AMZ2: variants seen among roughly 807,000 people sequenced by gnomAD.
AMZ2 encodes archaemetzincin-2.
In AMZ2, 26 loss-of-function variants were observed where a neutral mutation model predicts 36.7. The observed-to-expected ratio is 0.71, with a 90% CI of 0.52 to 0.98. The LOEUF (loss-of-function observed/expected upper bound fraction) is 0.98. Ranked by LOEUF, AMZ2 falls within the 50% of genes least tolerant of loss-of-function variation. AMZ2 has a pLI of 0.00. For missense variants in AMZ2, 394 were observed against 430.5 expected, an observed-to-expected ratio of 0.92 and a Z score of 0.75; for synonymous variants, 144 against 149.1, an observed-to-expected ratio of 0.97 and a Z score of 0.25.
At chr17:68,239,042 A>T (rs2073849697) in intron 1 of AMZ2, among the ~76,000 whole-genome samples, 1 of 152,152 alleles carries the variant, frequency 6.6e-6, no homozygotes, top group Non-Finnish European at 1.5e-5. Flanking sequence ...CATTTTTCTC[A>T]GGGTGACTGG....
At chr17:68,244,824 GT>G (rs1285064097), upstream of AMZ2, among the ~76,000 whole-genome samples, 1 of 152,070 alleles carries the variant, frequency 6.6e-6, no homozygotes, top group Non-Finnish European at 1.5e-5. Context: ...AATTATTAGT[GT>G]TTTTTATTTT....
chr17:68,222,539 A>G (rs1183401185), intron 1 of AMZ2, among the ~76,000 whole-genome samples: 1 of 152,212 alleles, frequency 6.6e-6, no homozygotes, highest in African/African-American at 2.4e-5. Context: ...AATGAAATAT[A>G]TAATGAAATA....
intron 1 of AMZ2, among the ~76,000 whole-genome samples, chr17:68,238,545 T>G (rs79170743): frequency 0.098 from 14,657 of 150,168 alleles, 1,269 homozygotes; most frequent in African/African-American, 0.22. Flanking sequence ...TGTATATATA[T>G]ATAGAGAGAA....
Position 68,215,354 on chromosome 17 carries a change from G to C in AMZ2, c.-67+9116G>C, listed in dbSNP as rs1426155604. 3.0e-5 allele frequency among the ~76,000 whole-genome samples: 4 copies of C among 132,954 alleles called. 2 individuals are homozygous for C. The highest frequency in any genetic ancestry group is 6.6e-5 in the Non-Finnish European group (4 of 60,770). 87.2% of individuals were successfully genotyped at this position (132,954 alleles called of 152,430 possible). The stretch of plus-strand genomic sequence containing the variant: ...GTCTTTGTTTTAACATTTCACTGTT[G>C]AGGTGGTAACATGGAAACCTTTGTC... On this transcript the variant is annotated intron_variant, in intron 1 of 7. Transcript: ENST00000674770.
upstream of AMZ2, among the ~76,000 whole-genome samples, chr17:68,246,156 A>G (rs2073998755): frequency 1.4e-5 from 2 of 146,858 alleles, no homozygotes; most frequent in Admixed American, 7.0e-5. Context: ...AAATACAAAA[A>G]TTGGCTAACA....
At chr17:68,211,172 C>A (rs2073034098) in intron 1 of AMZ2, among the ~76,000 whole-genome samples, 1 of 151,876 alleles carries the variant, frequency 6.6e-6, no homozygotes, top group South Asian at 2.1e-4. Context: ...TTGAGTAGGG[C>A]CAGTGATTCT....
intron 1 of AMZ2, among the ~76,000 whole-genome samples, chr17:68,208,440 A>T (rs1555724933): frequency 1.3e-5 from 2 of 152,184 alleles, no homozygotes; most frequent in Non-Finnish European, 2.9e-5. Flanking sequence ...GTATCTAGCT[A>T]ATCTAGTGGG....
intron 4 of AMZ2, among the ~76,000 whole-genome samples, chr17:68,254,010 C>T (rs564194833): frequency 6.6e-6 from 1 of 152,156 alleles, no homozygotes; most frequent in South Asian, 2.1e-4. Flanking sequence ...CTCCCAAAGT[C>T]CTAGGATTAC....
chr17:68,248,972 C>A, intron 1 of AMZ2: 1 of 803,336 alleles, frequency 1.2e-6, no homozygotes, highest in South Asian at 6.2e-5. Flanking sequence ...CAAAGATGAT[C>A]CAGACAGAGA....
Position 68,251,303 on chromosome 17 carries a change from T to C in AMZ2, c.586+125T>C, listed in dbSNP as rs558825808. ...ATTTAAAATATTTTCAGTTGAGACA[T>C]TATGCCATAATGGGAAGTGTGCTGT... is the stretch of plus-strand genomic sequence containing the variant. On this transcript the variant is annotated intron_variant, in intron 4 of 6. Coordinates refer to ENST00000359904, the MANE Select transcript of AMZ2 (RefSeq NM_016627.5). 1.6e-5 allele frequency: 17 copies of C among 1,076,532 alleles called. No individual in the cohort carries two copies. In the South Asian group the frequency reaches 2.6e-4, roughly 16 times the overall value. 66.7% of individuals were successfully genotyped at this position (1,076,532 alleles called of 1,614,324 possible). A position where few individuals can be genotyped will look rare whatever the true frequency, so the allele number is the denominator to read the frequency against.
At chr17:68,236,492 TAA>T (rs1555732566) in intron 1 of AMZ2, among the ~76,000 whole-genome samples, 1 of 148,728 alleles carries the variant, frequency 6.7e-6, no homozygotes, top group African/African-American at 2.5e-5. Flanking sequence ...TAAATATTGC[TAA>T]AAAATATCAA....
At chr17:68,228,892 T>A (rs1170399516) in intron 1 of AMZ2, among the ~76,000 whole-genome samples, 2 of 152,218 alleles carry the variant, frequency 1.3e-5, no homozygotes, top group East Asian at 3.9e-4. Context: ...CCGCGTGTGC[T>A]GGCCTGTTGG....
intron 1 of AMZ2, among the ~76,000 whole-genome samples, chr17:68,209,632 A>ATATATGTATATATATAT: frequency 1.1e-4 from 10 of 90,688 alleles, no homozygotes; most frequent in East Asian, 4.1e-4. Context: ...ATATATATAT[A>ATATATGTATATATATAT]TTTTTTTTTT....
At chr17:68,213,470 G>A (rs781922015) in intron 1 of AMZ2, among the ~76,000 whole-genome samples, 1 of 152,228 alleles carries the variant, frequency 6.6e-6, no homozygotes, top group Non-Finnish European at 1.5e-5. Flanking sequence ...ATGAGTGTCA[G>A]AGCAGGGAAT....
intron 1 of AMZ2, among the ~76,000 whole-genome samples, chr17:68,228,864 A>T (rs1251955509): frequency 1.3e-5 from 2 of 152,172 alleles, no homozygotes; most frequent in Admixed American, 1.3e-4. Flanking sequence ...CCACAGCGGG[A>T]TGCCTGCACT....
upstream of AMZ2, among the ~76,000 whole-genome samples, chr17:68,246,088 C>T (rs2073996298): frequency 6.6e-6 from 1 of 151,160 alleles, no homozygotes; most frequent in Admixed American, 6.6e-5. Flanking sequence ...GGTGGATCAC[C>T]TGAGGTCAGG....
At position 68,255,857 on chromosome 17, in the gene AMZ2, G is replaced by GATA; in HGVS notation, c.908_909insATA (p.Ser303delinsArgTyr). 1 of 1,614,106 alleles carries GATA rather than the reference G, an allele frequency of 6.2e-7. No homozygotes were observed. Among genetic ancestry groups the GATA allele is most frequent in the East Asian group, 2.2e-5 (1 of 44,876 alleles). On this transcript the variant is annotated protein_altering_variant, in exon 6 of 7. Coordinates refer to ENST00000359904, the MANE Select transcript of AMZ2 (RefSeq NM_016627.5). ...AAGTTGCAGTGTGCTGTTGGCTTCA[G>GATA]CATTGTAGAAAGATACAAAGTAAGT...
Position 68,218,107 on chromosome 17 carries a change from C to T in AMZ2, c.-67+11869C>T, listed in dbSNP as rs750427282. On this transcript the variant is annotated intron_variant, in intron 1 of 7. Transcript: ENST00000674770. ...GATTACAGGCATGAGCCACCGTGTC[C>T]GGCCAAAAAAAAGGTTCTTATACAT... Among the ~76,000 whole-genome samples, 5 of 135,534 alleles carry T rather than the reference C, an allele frequency of 3.7e-5. No homozygotes were observed. The East Asian group carries it at 6.3e-4, about 17-fold the overall frequency. 88.9% of individuals were successfully genotyped at this position (135,534 alleles called of 152,430 possible). A position where few individuals can be genotyped will look rare whatever the true frequency, so the allele number is the denominator to read the frequency against.
At chr17:68,212,502 C>T (rs1319520789) in intron 1 of AMZ2, among the ~76,000 whole-genome samples, 1 of 152,172 alleles carries the variant, frequency 6.6e-6, no homozygotes, top group Admixed American at 6.5e-5. Context: ...TGCCATTGCA[C>T]TCCAGCTTGG....
Sources: allele counts gnomAD v4.1 joint callset (sites outside exome capture counted in the v4.1 genomes callset), GRCh38; gene constraint gnomAD v4.1.1; transcripts MANE v1.5; gene names NCBI Gene and HGNC (gene_info 2026-07-23, HGNC 2026-07-21).